Variants in ETV1 observed in about 807,000 individuals in gnomAD.
ETV1 encodes ETS translocation variant 1.
A neutral mutation model predicts 62.3 loss-of-function variants in ETV1; 27 were observed. The observed-to-expected ratio is 0.43, with a 90% CI of 0.32 to 0.60. The LOEUF is 0.60. Ranked by LOEUF, ETV1 falls within the 20% of genes least tolerant of loss-of-function variation. The pLI, the probability that ETV1 is intolerant of heterozygous loss-of-function variation, is 0.06. For synonymous variants in ETV1, 222 were observed against 199.6 expected, an observed-to-expected ratio of 1.11 and a Z score of -0.94; for missense variants, 605 against 605.8, an observed-to-expected ratio of 1.00 and a Z score of 0.01.
chr7:13,972,981 T>C (rs1781058564), intron 6 of ETV1, among the ~76,000 whole-genome samples: 1 of 152,208 alleles, frequency 6.6e-6, no homozygotes, highest in South Asian at 2.1e-4. Context: ...CAATCTATAA[T>C]ATACCATCAC....
intron 6 of ETV1, among the ~76,000 whole-genome samples, chr7:13,948,597 T>A (rs1009418864): frequency 2.6e-5 from 4 of 152,096 alleles, no homozygotes; most frequent in African/African-American, 4.8e-5. Context: ...AGTAGAACAC[T>A]CTCCCACCCA....
intron 6 of ETV1, among the ~76,000 whole-genome samples, chr7:13,966,226 T>C (rs1291322256): frequency 6.6e-6 from 1 of 152,146 alleles, no homozygotes; most frequent in Non-Finnish European, 1.5e-5. Flanking sequence ...CAGTCCCCTA[T>C]AACATGAATT....
intron 5 of ETV1, among the ~76,000 whole-genome samples, chr7:13,981,862 C>T (rs1294711907): frequency 6.6e-6 from 1 of 151,990 alleles, no homozygotes; most frequent in Non-Finnish European, 1.5e-5. Context: ...AATCCACCTT[C>T]CTACAGTGGT....
intron 9 of ETV1, among the ~76,000 whole-genome samples, chr7:13,918,215 G>A (rs1784408441): frequency 6.6e-6 from 1 of 152,086 alleles, no homozygotes; most frequent in Admixed American, 6.5e-5. Flanking sequence ...AATAATACTA[G>A]TAAGAAGTTC....
At position 13,989,129 on chromosome 7, in the gene ETV1, C is replaced by A; in HGVS notation, c.-77G>T. 7.8e-7 allele frequency: 1 copy of A among 1,280,232 alleles called. No individual in the cohort carries two copies. Among genetic ancestry groups the A allele is most frequent in the Non-Finnish European group, 1.1e-6 (1 of 901,680 alleles). 79.3% of individuals were successfully genotyped at this position (1,280,232 alleles called of 1,614,324 possible). ...GCTGGAGATTTCCTCAGGATCTGGA[C>A]TTCTATCAACCTAGAGGGGAACAAG... On this transcript the variant is annotated 5_prime_UTR_variant, in exon 3 of 14. Transcript: ENST00000430479.
At chr7:13,917,908 G>C (rs1261726975) in intron 9 of ETV1, among the ~76,000 whole-genome samples, 1 of 151,894 alleles carries the variant, frequency 6.6e-6, no homozygotes, top group Admixed American at 6.5e-5. Flanking sequence ...AGCTTGCAGT[G>C]AGCCGAGATC....
chr7:13,974,444 T>G (rs1781206562), intron 6 of ETV1, among the ~76,000 whole-genome samples: 1 of 152,148 alleles, frequency 6.6e-6, no homozygotes, highest in Admixed American at 6.5e-5. Context: ...GCAGACAGTT[T>G]AAGAAGAAAA....
chr7:13,910,847 T>G (rs1783488893), intron 10 of ETV1, among the ~76,000 whole-genome samples: 2 of 152,144 alleles, frequency 1.3e-5, no homozygotes, highest in South Asian at 4.1e-4. Flanking sequence ...CATTTAAAGG[T>G]GAAAACCTTT....
chr7:13,948,621 A>C (rs1788440833), intron 6 of ETV1, among the ~76,000 whole-genome samples: 1 of 152,070 alleles, frequency 6.6e-6, no homozygotes, highest in South Asian at 2.1e-4. Flanking sequence ...ATTTCGGTCT[A>C]GTCTAGGGCT....
intron 6 of ETV1, among the ~76,000 whole-genome samples, chr7:13,950,345 A>C (rs1347741780): frequency 6.6e-6 from 1 of 152,150 alleles, no homozygotes; most frequent in African/African-American, 2.4e-5. Context: ...GGGAGCATCA[A>C]ACTTTTGTGA....
chr7:13,923,291 T>C (rs968976631), intron 9 of ETV1, among the ~76,000 whole-genome samples: 1 of 152,236 alleles, frequency 6.6e-6, no homozygotes, highest in Admixed American at 6.5e-5. Flanking sequence ...AAGCAATGCT[T>C]ACTACTACAG....
intron 9 of ETV1, among the ~76,000 whole-genome samples, chr7:13,929,816 C>T (rs367844292): frequency 1.4e-4 from 21 of 152,258 alleles, no homozygotes; most frequent in East Asian, 1.9e-4. Context: ...CAATTCCCTT[C>T]GTCCTTTGAA....
chr7:13,967,410 T>C (rs1780413652), intron 6 of ETV1, among the ~76,000 whole-genome samples: 1 of 152,114 alleles, frequency 6.6e-6, no homozygotes, highest in South Asian at 2.1e-4. Flanking sequence ...TACAAAACCA[T>C]TGCACAAAGG....
chr7:13,989,188 A>C, intron 2 of ETV1, 49 bp from the exon 3 acceptor site: 1 of 707,784 alleles, frequency 1.4e-6, no homozygotes, highest in Non-Finnish European at 2.3e-6. Context: ...ATCATGAATG[A>C]AGCTCTTGAA....
chr7:13,961,630 T>TAA (rs748336052), intron 6 of ETV1, among the ~76,000 whole-genome samples: 26 of 151,078 alleles, frequency 1.7e-4, no homozygotes, highest in Middle Eastern at 6.8e-3. Flanking sequence ...AACTTTGAAA[T>TAA]AAAAAAAAAC....
At chr7:13,986,884 A>C in intron 4 of ETV1, 199 bp from the exon 5 acceptor site, 1 of 513,252 alleles carries the variant, frequency 1.9e-6, no homozygotes, top group East Asian at 3.5e-5. Flanking sequence ...GCAACTCTTT[A>C]AGAAATTATT....
At chr7:13,909,794 A>G (rs1783380235) in intron 10 of ETV1, 94 bp from the exon 11 acceptor site, 1 of 1,085,062 alleles carries the variant, frequency 9.2e-7, no homozygotes, top group Non-Finnish European at 1.4e-6. Context: ...TGTGATAGAA[A>G]ATGACTCTGC....
At chr7:13,988,238 G>GCC in intron 3 of ETV1, 65 bp from the exon 4 acceptor site, 1 of 904,816 alleles carries the variant, frequency 1.1e-6, no homozygotes, top group Non-Finnish European at 1.8e-6. Flanking sequence ...ACGCACACGC[G>GCC]CGCGCACACA....
intron 9 of ETV1, among the ~76,000 whole-genome samples, chr7:13,920,223 AGACCCACC>A (rs1784683404): frequency 6.6e-6 from 1 of 152,208 alleles, no homozygotes; most frequent in African/African-American, 2.4e-5. Context: ...AATGGAATTC[AGACCCACC>A]AGTTCCTGTT....
Sources: allele counts gnomAD v4.1 joint callset (sites outside exome capture counted in the v4.1 genomes callset), GRCh38; gene constraint gnomAD v4.1.1; transcripts MANE v1.5; gene names NCBI Gene and HGNC (gene_info 2026-07-23, HGNC 2026-07-21).